Variants in ZBTB32 observed in about 807,000 individuals in gnomAD.
ZBTB32 encodes zinc finger and BTB domain-containing protein 32.
In ZBTB32, 28 loss-of-function variants were observed where a neutral mutation model predicts 45.3. The ratio of observed to expected loss-of-function variants is 0.62; its 90% CI spans 0.46 to 0.85. ZBTB32 has a LOEUF of 0.85. Ranked by LOEUF, ZBTB32 falls within the 40% of genes least tolerant of loss-of-function variation. The pLI is 0.00. For synonymous variants in ZBTB32, 283 were observed against 255.7 expected, an observed-to-expected ratio of 1.11 and a Z score of -1.02; for missense variants, 587 against 624.4, an observed-to-expected ratio of 0.94 and a Z score of 0.64.
intron 6 of ZBTB32, 37 bp downstream of exon 6, chr19:35,716,334 C>T (rs1252512177): frequency 6.2e-7 from 1 of 1,611,062 alleles, no homozygotes; most frequent in Admixed American, 1.7e-5. Flanking sequence ...TGTCGGCTTT[C>T]TTCCCAACTC....
Position 35,716,574 on chromosome 19 carries a change from G to A in ZBTB32, c.1286G>A (p.Arg429His). Residue 429 changes from arginine to histidine, a missense_variant, in exon 7 of 7, where the codon CGC becomes CAC. By Grantham distance (29) the Arg-to-His change is conservative. Transcript: ENST00000392197. ...HLRTHGAAPY[R>H]CSLCGAGCPS... ...CGGACACACGGGGCCGCTCCGTACCGCTGCTCCCTGTGCGGGGCCGGCTGT... is the reference window on the plus strand; with the variant it reads ...CGGACACACGGGGCCGCTCCGTACCACTGCTCCCTGTGCGGGGCCGGCTGT... 4.3e-6 allele frequency: 7 copies of A among 1,613,188 alleles called. No homozygotes were observed. The highest frequency in any genetic ancestry group is 4.5e-5 in the East Asian group (2 of 44,874).
intron 6 of ZBTB32, 66 bp from the exon 7 acceptor site, chr19:35,716,412 C>A: frequency 6.3e-7 from 1 of 1,585,036 alleles, no homozygotes; most frequent in Non-Finnish European, 8.6e-7. Context: ...CCGATCCACC[C>A]CTAACTTGGC....
rs2146422495 is a variant in ZBTB32, at chr19:35,716,578, C to T, written c.1290C>T (p.Cys430=). The change falls in exon 7 of 7, where the codon TGC becomes TGT. Residue 430 remains cysteine (C), a synonymous_variant. Coordinates refer to ENST00000392197, the MANE Select transcript of ZBTB32 (RefSeq NM_014383.3). ...CACACGGGGCCGCTCCGTACCGCTG[C>T]TCCCTGTGCGGGGCCGGCTGTCCCA... ...LRTHGAAPYR[C]SLCGAGCPSL... is the part of the protein sequence containing the mutation. 1 of 1,613,296 alleles carries T rather than the reference C, an allele frequency of 6.2e-7. No individual in the cohort carries two copies. The highest frequency in any genetic ancestry group is 1.7e-5 in the Admixed American group (1 of 60,024).
At chr19:35,713,240 G>A (rs188749168) in intron 2 of ZBTB32, 2 of 152,390 alleles carry the variant, frequency 1.3e-5, no homozygotes, top group Admixed American at 6.5e-5. Context: ...GGCAGAATGT[G>A]TGCATTCTGG....
intron 1 of ZBTB32, among the ~76,000 whole-genome samples, chr19:35,710,832 G>A (rs1968670127): frequency 6.6e-6 from 1 of 152,224 alleles, no homozygotes; most frequent in Non-Finnish European, 1.5e-5. Context: ...TCTGTGCTCA[G>A]TGCAGGATGG....
rs779236759 is a variant in ZBTB32, at chr19:35,715,310, G to T, written c.684G>T (p.Lys228Asn). ...GGGGCTCTGAGGAAAGTCTGCGCAA[G>T]CTCCCTGGCCCCCTTCCCCCAGCAG... ...NPGGSEESLRKLPGPLPPAGS... is the reference protein window; with the variant it reads ...NPGGSEESLRNLPGPLPPAGS... The change falls in exon 3 of 7, where the codon AAG becomes AAT. Residue 228 changes from lysine (K) to asparagine (N), a missense_variant. Transcript: ENST00000392197. The T allele has an allele frequency of 1.9e-6, 3 of 1,586,914 alleles. No individual in the cohort carries two copies. Among genetic ancestry groups the T allele is most frequent in the Non-Finnish European group, 2.6e-6 (3 of 1,168,148 alleles).
chr19:35,706,261 T>C (rs1039025080), intron 1 of ZBTB32, among the ~76,000 whole-genome samples: 1 of 149,416 alleles, frequency 6.7e-6, no homozygotes, highest in Non-Finnish European at 1.5e-5. Flanking sequence ...TTGGGTCATG[T>C]CTGGAGCTTT....
chr19:35,706,040 C>A (rs1341813416), intron 1 of ZBTB32, among the ~76,000 whole-genome samples: 1 of 151,612 alleles, frequency 6.6e-6, no homozygotes, highest in Non-Finnish European at 1.5e-5. Flanking sequence ...ACCAGCATGA[C>A]CAACATGGAG....
At chr19:35,715,555 C>A in intron 3 of ZBTB32, 48 bp downstream of exon 3, 1 of 1,509,822 alleles carries the variant, frequency 6.6e-7, no homozygotes, top group Non-Finnish European at 8.8e-7. Flanking sequence ...GAGGGCATGG[C>A]CCAGGAGGGG....
chr19:35,714,820 G>C lies in ZBTB32; in HGVS notation c.194G>C (p.Gly65Ala). The C allele has an allele frequency of 6.2e-7, 1 of 1,613,724 alleles. No individual in the cohort carries two copies. Among genetic ancestry groups the C allele is most frequent in the South Asian group, 1.1e-5 (1 of 91,050 alleles). ...GRRGQWALGE[G>A]ISPSTFAQLL... is the part of the protein sequence containing the mutation. ...AGGGGCCAGTGGGCTCTGGGAGAAG[G>C]CATCAGCCCTTCTACCTTTGCCCAG... Residue 65 changes from glycine (G) to alanine (A), a missense_variant, in exon 3 of 7, where the codon GGC (glycine) becomes GCC (alanine). Physicochemically the swap from Gly to Ala is moderately conservative, Grantham distance 60 (BLOSUM62 0). Transcript: ENST00000392197.
chr19:35,715,120 T>C lies in ZBTB32; in HGVS notation c.494T>C (p.Leu165Ser). Residue 165 changes from leucine (L) to serine (S), a missense_variant, in exon 3 of 7, where the codon TTG becomes TCG. Leu to Ser is a moderately radical substitution (Grantham distance 145). Transcript: ENST00000392197. ...ACTGGTGGGAGAGAACAGGAGATGT[T>C]GCACAAGCACTCGCCACCAAGAGGC... is the stretch of plus-strand genomic sequence containing the variant. ...SRTGGREQEM[L>S]HKHSPPRGRP... 1 of 1,613,756 alleles carries C rather than the reference T, an allele frequency of 6.2e-7. No homozygotes were observed. Among genetic ancestry groups the C allele is most frequent in the East Asian group, 2.2e-5 (1 of 44,866 alleles).
intron 1 of ZBTB32, among the ~76,000 whole-genome samples, chr19:35,707,369 C>CTTTTTT (rs35043509): frequency 8.4e-6 from 1 of 119,670 alleles, no homozygotes; most frequent in Non-Finnish European, 1.7e-5. Flanking sequence ...CTACCATTTT[C>CTTTTTT]TTTTTTTTTT....
chr19:35,716,169 C>T lies in ZBTB32; in HGVS notation c.1061C>T (p.Ala354Val). 6.2e-7 allele frequency: 1 copy of T among 1,613,886 alleles called. No individual in the cohort carries two copies. Among genetic ancestry groups the T allele is most frequent in the Non-Finnish European group, 8.5e-7 (1 of 1,179,948 alleles). ...ACCTGTGCGGGTCATGAGGACAAGG[C>T]AGGCTGCCCACCTCGCCCGCACCCT... ...LATCAGHEDK[A>V]GCPPRPHPPP... The change falls in exon 6 of 7, where the codon GCA (alanine) becomes GTA (valine). Residue 354 changes from alanine (A) to valine (V), a missense_variant. Coordinates refer to ENST00000392197, the MANE Select transcript of ZBTB32 (RefSeq NM_014383.3).
At chr19:35,709,771 C>T (rs1304242799) in intron 1 of ZBTB32, among the ~76,000 whole-genome samples, 5 of 151,200 alleles carry the variant, frequency 3.3e-5, no homozygotes, top group Admixed American at 2.6e-4. Context: ...CCCAGCTACT[C>T]GGGAGGCTGA....
At chr19:35,707,100 TA>T (rs1968563470) in intron 1 of ZBTB32, among the ~76,000 whole-genome samples, 1 of 148,652 alleles carries the variant, frequency 6.7e-6, no homozygotes, top group Non-Finnish European at 1.5e-5. Context: ...GAGGCTGAGA[TA>T]GGGGGATGAC....
At position 35,716,569 on chromosome 19, in the gene ZBTB32, G is replaced by C; in HGVS notation, c.1281G>C (p.Pro427=). Residue 427 remains proline, a synonymous_variant, in exon 7 of 7, where the codon CCG becomes CCC. Transcript: ENST00000392197. ...TKHLRTHGAA[P]YRCSLCGAGC... ...ACCTGCGGACACACGGGGCCGCTCC[G>C]TACCGCTGCTCCCTGTGCGGGGCCG... The C allele has an allele frequency of 1.2e-6, 2 of 1,613,256 alleles. No homozygotes were observed. The highest frequency in any genetic ancestry group is 1.7e-6 in the Non-Finnish European group (2 of 1,179,932).
intron 1 of ZBTB32, among the ~76,000 whole-genome samples, chr19:35,708,203 C>T (rs1330387257): frequency 6.6e-6 from 1 of 152,128 alleles, no homozygotes; most frequent in Non-Finnish European, 1.5e-5. Flanking sequence ...AAATCCCTTA[C>T]ACAAAATCAG....
chr19:35,713,224 G>A (rs192854982), intron 2 of ZBTB32, 191 bp downstream of exon 2: 4 of 152,354 alleles, frequency 2.6e-5, no homozygotes, highest in Admixed American at 2.6e-4. Context: ...GAGACAGGAG[G>A]CTAGGGGCAG....
In ZBTB32 at chr19:35,715,987, A is replaced by T; in HGVS notation, c.1004A>T (p.Glu335Val). ...PAQLSPGEME[E>V]SDQGHTGALA... ...CAGCTCAGCCCTGGGGAGATGGAAG[A>T]GTCTGATCAGGGGCACACAGGTGAG... Residue 335 changes from glutamate to valine, a missense_variant, in exon 5 of 7, where the codon GAG becomes GTG. Glu to Val is a moderately radical substitution (Grantham distance 121). Coordinates refer to ENST00000392197, the MANE Select transcript of ZBTB32 (RefSeq NM_014383.3). The T allele has an allele frequency of 1.2e-6, 2 of 1,612,868 alleles. No individual in the cohort carries two copies. The highest frequency in any genetic ancestry group is 1.7e-6 in the Non-Finnish European group (2 of 1,179,934).
Sources: gnomAD v4.1 joint callset for allele counts (sites outside exome capture counted in the v4.1 genomes callset) on GRCh38, gnomAD v4.1.1 for gene constraint, MANE v1.5 for transcripts, NCBI Gene and HGNC (gene_info 2026-07-23, HGNC 2026-07-21) for gene names.